GMDS: variants seen among roughly 807,000 people sequenced by gnomAD.
The protein encoded by GMDS is GDP-mannose 4,6-dehydratase, also known as GDP-mannose 4,6 dehydratase.
A neutral mutation model predicts 49.9 loss-of-function variants in GMDS; 20 were observed. The observed-to-expected ratio is 0.40, with a 90% confidence interval of 0.28 to 0.58. The LOEUF (loss-of-function observed/expected upper bound fraction) is 0.58. GMDS is among the 20% of genes least tolerant of loss of function. GMDS has a pLI of 0.42. For synonymous variants in GMDS, 177 were observed against 178.6 expected, an observed-to-expected ratio of 0.99 and a Z score of 0.07; for missense variants, 362 against 481.4, an observed-to-expected ratio of 0.75 and a Z score of 2.32.
At chr6:1,701,563 T>C (rs1765545586) in intron 9 of GMDS, among the ~76,000 whole-genome samples, 1 of 151,920 alleles carries the variant, frequency 6.6e-6, no homozygotes, top group African/African-American at 2.4e-5. Flanking sequence ...AAAAGGTGCA[T>C]ATTCAAAAAA....
chr6:1,960,047 T>C, intron 5 of GMDS, 76 bp from the exon 6 acceptor site: 1 of 800,334 alleles, frequency 1.2e-6, no homozygotes, highest in Non-Finnish European at 2.0e-6. Context: ...AACAGTAACA[T>C]CTTGGCCGAA....
chr6:2,233,363 G>C (rs1781202268), intron 1 of GMDS, among the ~76,000 whole-genome samples: 1 of 152,138 alleles, frequency 6.6e-6, no homozygotes, highest in African/African-American at 2.4e-5. Flanking sequence ...CTAAGGAAGA[G>C]AGCTCTACAG....
intron 9 of GMDS, among the ~76,000 whole-genome samples, chr6:1,641,704 T>TTC (rs67714741): frequency 0.13 from 19,846 of 147,878 alleles, 1,443 homozygotes; most frequent in Non-Finnish European, 0.18. Flanking sequence ...CTCGGATGAT[T>TTC]TCTCTCTCTC....
At chr6:1,697,599 A>G (rs1765389706) in intron 9 of GMDS, among the ~76,000 whole-genome samples, 2 of 152,362 alleles carry the variant, frequency 1.3e-5, no homozygotes, top group African/African-American at 4.8e-5. Flanking sequence ...AAACCAGGCC[A>G]GCAGCATCAG....
intron 7 of GMDS, among the ~76,000 whole-genome samples, chr6:1,832,892 A>G (rs949871402): frequency 1.3e-5 from 2 of 152,168 alleles, no homozygotes; most frequent in Non-Finnish European, 2.9e-5. Context: ...GCACACGATG[A>G]ACTTTATCAG....
intron 1 of GMDS, among the ~76,000 whole-genome samples, chr6:2,226,729 T>C (rs746119337): frequency 8.5e-5 from 13 of 152,192 alleles, no homozygotes; most frequent in Non-Finnish European, 1.6e-4. Context: ...TATGAAACCA[T>C]TAAAAACACC....
intron 7 of GMDS, among the ~76,000 whole-genome samples, chr6:1,923,138 C>T (rs9405528): frequency 0.39 from 58,629 of 152,076 alleles, 12,154 homozygotes; most frequent in East Asian, 0.47. Context: ...TCCATTAAAC[C>T]TCTTTGTCTT....
At chr6:1,945,540 G>A (rs1763039987) in intron 6 of GMDS, among the ~76,000 whole-genome samples, 2 of 152,166 alleles carry the variant, frequency 1.3e-5, no homozygotes, top group Non-Finnish European at 2.9e-5. Context: ...TAGTCGGGTT[G>A]GCTTGAAATT....
intron 7 of GMDS, among the ~76,000 whole-genome samples, chr6:1,878,208 G>GTGCCCT (rs1158447757): frequency 1.3e-5 from 2 of 151,442 alleles, no homozygotes; most frequent in African/African-American, 4.9e-5. Flanking sequence ...CCAGCTACTT[G>GTGCCCT]GGAGGCTGAG....
At chr6:1,862,985 G>A (rs1380082113) in intron 7 of GMDS, among the ~76,000 whole-genome samples, 1 of 152,164 alleles carries the variant, frequency 6.6e-6, no homozygotes, top group Non-Finnish European at 1.5e-5. Context: ...TTCATTATGA[G>A]TAATAACTGT....
chr6:1,624,108 T>G lies in GMDS; in HGVS notation c.*61A>C, dbSNP rs973002141. On this transcript the variant is annotated 3_prime_UTR_variant, in exon 11 of 11. Coordinates refer to ENST00000380815, the MANE Select transcript of GMDS (RefSeq NM_001500.4). ...CGCCGCTCCCCATCCCCGCAGCGCG[T>G]CTGCACCGGAGACTCTGCGGGGATT... 7.6e-6 allele frequency: 11 copies of G among 1,455,526 alleles called. No homozygotes were observed. Among genetic ancestry groups the G allele is most frequent in the Middle Eastern group, 1.7e-4 (1 of 5,806 alleles). The allele number at this position is 1,455,526 out of a possible 1,614,324, so 90.2% of individuals were successfully genotyped here.
chr6:2,010,625 A>C (rs1767502004), intron 4 of GMDS, among the ~76,000 whole-genome samples: 1 of 152,194 alleles, frequency 6.6e-6, no homozygotes, highest in Non-Finnish European at 1.5e-5. Context: ...GAGCAAACAG[A>C]AACTACATGA....
chr6:1,922,290 C>T (rs912567402), intron 7 of GMDS, among the ~76,000 whole-genome samples: 6 of 152,192 alleles, frequency 3.9e-5, no homozygotes, highest in African/African-American at 1.2e-4. Flanking sequence ...ACAACCTCAC[C>T]GTTGCTTTCT....
chr6:2,215,024 C>A (rs149228330), intron 1 of GMDS, among the ~76,000 whole-genome samples: 17 of 152,154 alleles, frequency 1.1e-4, no homozygotes, highest in African/African-American at 3.6e-4. Flanking sequence ...TTGTCTCCAC[C>A]CCACATCAAG....
chr6:1,694,272 C>T (rs573196986), intron 9 of GMDS, among the ~76,000 whole-genome samples: 4 of 152,180 alleles, frequency 2.6e-5, no homozygotes, highest in South Asian at 2.1e-4. Flanking sequence ...GTTTTAGATG[C>T]CGTTAATTTT....
Position 1,930,112 on chromosome 6 carries a change from G to A in GMDS, c.762C>T (p.Asp254=), listed in dbSNP as rs145527362. 8 of 1,611,736 alleles carry A rather than the reference G, an allele frequency of 5.0e-6. No homozygotes were observed. Among genetic ancestry groups the A allele is most frequent in the South Asian group, 3.3e-5 (3 of 90,492 alleles). Residue 254 remains aspartate (D), a synonymous_variant, in exon 7 of 11, where the codon GAC becomes GAT. Coordinates refer to ENST00000380815, the MANE Select transcript of GMDS (RefSeq NM_001500.4). ...ATGTGTCAGTTCCTACCTCCACATA[G>A]TCCTTGGCATGGCCCCAATCTCGTT... The part of the protein sequence containing the change: ...DAKRDWGHAK[D]YVEAMWLMLQ...
At position 1,641,704 on chromosome 6, in the gene GMDS, TTCTCTCTCTC is replaced by T. The variant is rs67714741; in HGVS notation, c.988-17174_988-17165del. Among the ~76,000 whole-genome samples the T allele has an allele frequency of 8.0e-3, 1,189 of 147,968 alleles. 20 individuals carry two copies. The highest frequency in any genetic ancestry group is 0.027 in the African/African-American group (1,093 of 40,460). On this transcript the variant is annotated intron_variant, in intron 9 of 10. Transcript: ENST00000380815. ...GTACAGCTCGCGTCTCTCGGATGAT[TTCTCTCTCTC>T]TCTCTCTCTCTCTCTCTCTTTTCTA...
chr6:1,832,504 T>C (rs957322612), intron 7 of GMDS, among the ~76,000 whole-genome samples: 55 of 152,114 alleles, frequency 3.6e-4, no homozygotes, highest in Non-Finnish European at 1.2e-4. Flanking sequence ...TTGGAGAGCA[T>C]GTAAATGCAC....
chr6:1,878,091 AT>A (rs1759168925), intron 7 of GMDS, among the ~76,000 whole-genome samples: 1 of 152,106 alleles, frequency 6.6e-6, no homozygotes, highest in East Asian at 1.9e-4. Context: ...AGGTGGGCAG[AT>A]CACGAAGTCA....
Sources: allele counts gnomAD v4.1 joint callset (sites outside exome capture counted in the v4.1 genomes callset), GRCh38; gene constraint gnomAD v4.1.1; transcripts MANE v1.5; gene names NCBI Gene and HGNC (gene_info 2026-07-23, HGNC 2026-07-21).